The following CUX1 variants were observed in gnomAD, a reference collection of about 807,000 sequenced individuals.
The protein encoded by CUX1 is protein CASP.
Under a neutral mutation model 158.8 loss-of-function variants are expected in CUX1, and 31 were observed. That is an observed-to-expected ratio of 0.20 (90% confidence interval 0.15 to 0.26). CUX1 has a LOEUF of 0.26. CUX1 is among the 10% of genes least tolerant of loss of function. The pLI is 1.00. For missense variants in CUX1, 1,589 were observed against 2,014.6 expected, an observed-to-expected ratio of 0.79 and a Z score of 4.04; for synonymous variants, 879 against 862.1, an observed-to-expected ratio of 1.02 and a Z score of -0.34.
intron 1 of CUX1, among the ~76,000 whole-genome samples, chr7:101,899,137 G>A (rs1166637101): frequency 6.6e-6 from 1 of 152,226 alleles, no homozygotes; most frequent in Non-Finnish European, 1.5e-5. Context: ...TCCAGACCCT[G>A]GGTGGTAGTG....
intron 3 of CUX1, among the ~76,000 whole-genome samples, chr7:102,042,435 T>C (rs112496176): frequency 0.011 from 1,742 of 152,336 alleles, 15 homozygotes; most frequent in Admixed American, 0.022. Context: ...CTCTGCCCAC[T>C]CAGTCTTCTT....
chr7:102,231,736 T>C (rs1346081296), intron 21 of CUX1, among the ~76,000 whole-genome samples: 3 of 148,916 alleles, frequency 2.0e-5, no homozygotes, highest in Middle Eastern at 3.4e-3. Flanking sequence ...TTTTTTGAGA[T>C]GGAGTCTCGC....
intron 5 of CUX1, among the ~76,000 whole-genome samples, chr7:102,097,770 G>T (rs1377464231): frequency 6.6e-6 from 1 of 152,110 alleles, no homozygotes; most frequent in Non-Finnish European, 1.5e-5. Context: ...AATTCTTCCC[G>T]TATCATTACG....
At chr7:101,883,291 C>G (rs956136524) in intron 1 of CUX1, among the ~76,000 whole-genome samples, 2 of 152,148 alleles carry the variant, frequency 1.3e-5, no homozygotes, top group Non-Finnish European at 2.9e-5. Context: ...CCTTTTCATC[C>G]CAATCCTGCC....
At position 102,253,680 on chromosome 7, in the gene CUX1, G is replaced by A. The variant is rs1198597454; in HGVS notation, c.*4638G>A. On this transcript the variant is annotated 3_prime_UTR_variant, in exon 24 of 24. Transcript: ENST00000292535. ...TTTGAACTGAGGGGCGACAGCCTTT[G>A]CCTTAAATGCAGTATGACAGGCGCT... 5 of 985,354 alleles carry A rather than the reference G, an allele frequency of 5.1e-6. No homozygotes were observed. The African/African-American group carries it at 7.0e-5, about 14-fold the overall frequency. The allele number at this position is 985,354 out of a possible 1,614,324, so 61.0% of individuals were successfully genotyped here. A position where few individuals can be genotyped will look rare whatever the true frequency, so the allele number is the denominator to read the frequency against.
At chr7:102,122,564 C>G (rs1554493812) in intron 8 of CUX1, among the ~76,000 whole-genome samples, 1 of 152,118 alleles carries the variant, frequency 6.6e-6, no homozygotes, top group African/African-American at 2.4e-5. Flanking sequence ...TTGGCCCCCT[C>G]TGAATAGTAC....
intron 1 of CUX1, among the ~76,000 whole-genome samples, chr7:101,911,554 C>A (rs1803467918): frequency 6.6e-6 from 1 of 151,962 alleles, no homozygotes; most frequent in African/African-American, 2.4e-5. Context: ...TTGACCTTGG[C>A]CCTCCAGTGG....
intron 8 of CUX1, among the ~76,000 whole-genome samples, chr7:102,156,396 G>C (rs1183958584): frequency 1.3e-5 from 2 of 152,098 alleles, no homozygotes; most frequent in African/African-American, 4.8e-5. Flanking sequence ...AGGTGGATGC[G>C]TGCCAAGAGG....
intron 2 of CUX1, among the ~76,000 whole-genome samples, chr7:102,027,752 C>G (rs1219136142): frequency 6.6e-6 from 1 of 152,124 alleles, no homozygotes; most frequent in African/African-American, 2.4e-5. Flanking sequence ...GTCTCAGCTA[C>G]TTGGTAGGCT....
intron 6 of CUX1, among the ~76,000 whole-genome samples, chr7:102,107,995 C>T (rs1256904133): frequency 1.3e-5 from 2 of 152,194 alleles, no homozygotes; most frequent in Admixed American, 6.5e-5. Context: ...AGACCCTTGA[C>T]CCCGTTGATA....
At chr7:102,072,641 T>G (rs2130617371) in intron 4 of CUX1, among the ~76,000 whole-genome samples, 1 of 152,332 alleles carries the variant, frequency 6.6e-6, no homozygotes, top group East Asian at 1.9e-4. Context: ...GGTCCTTTTG[T>G]TACTTAGGCG....
intron 3 of CUX1, among the ~76,000 whole-genome samples, chr7:102,031,498 AG>A (rs1346549461): frequency 6.6e-6 from 1 of 152,196 alleles, no homozygotes; most frequent in Non-Finnish European, 1.5e-5. Context: ...AGAAACATCT[AG>A]GCTAAGCTTC....
chr7:102,171,556 T>C (rs1791722240), intron 10 of CUX1, among the ~76,000 whole-genome samples: 1 of 150,676 alleles, frequency 6.6e-6, no homozygotes. Context: ...CAAGGGATCC[T>C]CCCAGCTCAA....
chr7:102,238,012 A>C (rs1343485868), intron 22 of CUX1, among the ~76,000 whole-genome samples: 1 of 152,198 alleles, frequency 6.6e-6, no homozygotes, highest in Non-Finnish European at 1.5e-5. Flanking sequence ...CTAATTTGCT[A>C]CTGCTATCTA....
At chr7:102,213,496 T>G (rs1663497388) in intron 20 of CUX1, among the ~76,000 whole-genome samples, 1 of 152,214 alleles carries the variant, frequency 6.6e-6, no homozygotes, top group African/African-American at 2.4e-5. Context: ...TTCCCGTCGC[T>G]TTCCCTGGAC....
In CUX1 at chr7:102,249,372, G is replaced by A; in HGVS notation, c.*330G>A. On this transcript the variant is annotated 3_prime_UTR_variant, in exon 24 of 24. Coordinates refer to ENST00000292535, the MANE Select transcript of CUX1 (RefSeq NM_181552.4). ...GCCCTGCGGGCCACAGGGCAAAATC[G>A]CCATAGGCCAAGGTGCATATAGAAA... is the stretch of plus-strand genomic sequence containing the variant. The A allele has an allele frequency of 2.0e-6, 2 of 997,490 alleles. No homozygotes were observed. Among genetic ancestry groups the A allele is most frequent in the Non-Finnish European group, 2.4e-6 (2 of 837,654 alleles). The allele number at this position is 997,490 out of a possible 1,614,324, so 61.8% of individuals were successfully genotyped here.
chr7:101,992,775 G>A (rs1234266733), intron 2 of CUX1, among the ~76,000 whole-genome samples: 3 of 151,308 alleles, frequency 2.0e-5, no homozygotes, highest in Non-Finnish European at 3.0e-5. Flanking sequence ...TTTGATTTCC[G>A]CCCCCGCCGC....
In CUX1 at chr7:102,034,145, C is replaced by CAAAAAAAAAAAAA. The variant is rs10655613; in HGVS notation, c.189+6010_189+6022dup. 1.6e-4 allele frequency among the ~76,000 whole-genome samples: 8 copies of CAAAAAAAAAAAAA among 48,608 alleles called. 1 individual carries two copies. The highest frequency in any genetic ancestry group is 1.0e-3 in the South Asian group (1 of 990). 31.9% of individuals were successfully genotyped at this position (48,608 alleles called of 152,430 possible). On this transcript the variant is annotated intron_variant, in intron 3 of 23. Coordinates refer to ENST00000292535, the MANE Select transcript of CUX1 (RefSeq NM_181552.4). The stretch of plus-strand genomic sequence containing the variant: ...CAGGTGACAGAGCGAGACTCCATCT[C>CAAAAAAAAAAAAA]AAAAAAAAAAAAAAAAAAAAAAGTC...
chr7:101,895,369 C>G (rs985772878), intron 1 of CUX1, among the ~76,000 whole-genome samples: 1 of 152,060 alleles, frequency 6.6e-6, no homozygotes, highest in Non-Finnish European at 1.5e-5. Flanking sequence ...AGTTGGATCC[C>G]AATGGTAAGG....
Sources: gnomAD v4.1 joint callset for allele counts (sites outside exome capture counted in the v4.1 genomes callset) on GRCh38, gnomAD v4.1.1 for gene constraint, MANE v1.5 for transcripts, NCBI Gene and HGNC (gene_info 2026-07-23, HGNC 2026-07-21) for gene names.